Variants in ARVCF observed in about 807,000 individuals in gnomAD.
The protein encoded by ARVCF is ARVCF delta catenin family member.
A neutral mutation model predicts 90.9 loss-of-function variants in ARVCF; 66 were observed. The observed-to-expected ratio is 0.73, with a 90% CI of 0.60 to 0.89. The LOEUF is 0.89. Ranked by LOEUF, ARVCF falls within the 40% of genes least tolerant of loss-of-function variation. The pLI, the probability that ARVCF is intolerant of heterozygous loss-of-function variation, is 0.00. For missense variants in ARVCF, 1,469 were observed against 1,382.3 expected (o/e 1.06, Z -1.00); for synonymous variants, 653 against 603.4 (o/e 1.08, Z -1.21).
intron 1 of ARVCF, among the ~76,000 whole-genome samples, chr22:20,014,467 T>C (rs1274229039): frequency 6.6e-6 from 1 of 152,220 alleles, no homozygotes; most frequent in African/African-American, 2.4e-5. Context: ...AGTGTTGGGA[T>C]TACAGGCATG....
At chr22:19,996,176 C>T (rs955378711) in intron 2 of ARVCF, among the ~76,000 whole-genome samples, 7 of 152,200 alleles carry the variant, frequency 4.6e-5, no homozygotes, top group Admixed American at 3.9e-4. Flanking sequence ...AGGCCAGGAC[C>T]ACAGTCCCTT....
chr22:19,987,995 G>C (rs1391637944), intron 3 of ARVCF, among the ~76,000 whole-genome samples: 1 of 152,176 alleles, frequency 6.6e-6, no homozygotes, highest in Non-Finnish European at 1.5e-5. Flanking sequence ...CAAGCCAATG[G>C]CTCCAGCATC....
At chr22:19,977,363 C>T in intron 9 of ARVCF, 52 bp downstream of exon 9, 1 of 1,465,538 alleles carries the variant, frequency 6.8e-7, no homozygotes, top group Non-Finnish European at 9.0e-7. Context: ...GAGCCTTCCG[C>T]TGGGGCAGGA....
At position 19,980,145 on chromosome 22, in the gene ARVCF, T is replaced by C. The variant is rs1304928534; in HGVS notation, c.994A>G (p.Ser332Gly). 1.9e-6 allele frequency: 3 copies of C among 1,592,406 alleles called. No homozygotes were observed. The highest frequency in any genetic ancestry group is 2.6e-6 in the Non-Finnish European group (3 of 1,172,014). The change falls in exon 6 of 20, where the codon AGC (serine) becomes GGC (glycine). Residue 332 changes from serine to glycine, a missense_variant. Physicochemically the swap from Ser to Gly is moderately conservative, Grantham distance 56. Transcript: ENST00000263207. The stretch of plus-strand genomic sequence containing the variant: ...ACCAGCCGGTCCAGGCTGCCCATGC[T>C]GCCCCGTTCAGGCTGGGCCAGGGGC... ...TAPLAQPERG[S>G]MGSLDRLVRR...
chr22:20,005,779 G>C (rs1407310237), intron 2 of ARVCF, among the ~76,000 whole-genome samples: 1 of 148,776 alleles, frequency 6.7e-6, no homozygotes, highest in South Asian at 2.1e-4. Flanking sequence ...CTGGGCGGCA[G>C]AGCGAGACTC....
rs776172743 is a variant in ARVCF at position 19,971,891 on chromosome 22, A to G, written c.2776T>C (p.Leu926=). The change falls in exon 18 of 20, where the codon TTG becomes CTG. Residue 926 remains leucine, a synonymous_variant. Coordinates refer to ENST00000263207, the MANE Select transcript of ARVCF (RefSeq NM_001670.3). ...SAGEASEKEP[L]KLDPSRKAPP... The stretch of plus-strand genomic sequence containing the variant: ...ACAGCCACATGACCACTTACTTTCA[A>G]GGGTTCCTTCTCAGAGGCCTCTCCT... 7 of 1,613,252 alleles carry G rather than the reference A, an allele frequency of 4.3e-6. No individual in the cohort carries two copies. Among genetic ancestry groups the G allele is most frequent in the Non-Finnish European group, 5.9e-6 (7 of 1,179,824 alleles).
intron 2 of ARVCF, among the ~76,000 whole-genome samples, chr22:20,006,779 G>A (rs185986457): frequency 2.8e-4 from 42 of 151,110 alleles, no homozygotes; most frequent in Middle Eastern, 3.4e-3. Context: ...CTACAGGCGC[G>A]TGCCACCATG....
At chr22:19,967,274 C>G, downstream of ARVCF, 4 of 1,207,164 alleles carry the variant, frequency 3.3e-6, no homozygotes, top group Non-Finnish European at 4.4e-6. Flanking sequence ...GCCCAGGCCC[C>G]TCACTCATGC....
rs1942672112 is a variant in ARVCF, at chr22:19,970,198, ACCCC to A, written c.*554_*557del. On this transcript the variant is annotated 3_prime_UTR_variant, in exon 20 of 20. Transcript: ENST00000263207. ...GGGGAGGTGGGGCACCTGTAGCCTG[ACCCC>A]CACCTTGCTGCTTCCAAAGCTTCCT... is the stretch of plus-strand genomic sequence containing the variant. 1 of 989,048 alleles carries A rather than the reference ACCCC, an allele frequency of 1.0e-6. No individual in the cohort carries two copies. Among genetic ancestry groups the A allele is most frequent in the Admixed American group, 5.9e-5 (1 of 17,082 alleles). The allele number at this position is 989,048 out of a possible 1,614,324, so 61.3% of individuals were successfully genotyped here.
chr22:19,978,470 C>T (rs370553269), intron 7 of ARVCF, among the ~76,000 whole-genome samples: 3 of 152,158 alleles, frequency 2.0e-5, no homozygotes, highest in Admixed American at 6.5e-5. Flanking sequence ...CAGGGCTGCG[C>T]GGGAACACCC....
intron 17 of ARVCF, 30 bp from the exon 18 acceptor site, chr22:19,972,001 G>A (rs373912180): frequency 3.8e-6 from 6 of 1,570,448 alleles, no homozygotes; most frequent in East Asian, 4.5e-5. Context: ...GGGCATGAGG[G>A]GCGCTCTGAG....
intron 2 of ARVCF, among the ~76,000 whole-genome samples, chr22:19,998,571 G>A (rs1423304427): frequency 1.3e-5 from 2 of 152,180 alleles, no homozygotes; most frequent in Non-Finnish European, 2.9e-5. Flanking sequence ...CTGAGGCTGG[G>A]CAGAGACAGC....
intron 2 of ARVCF, among the ~76,000 whole-genome samples, chr22:19,991,472 G>A (rs1944023575): frequency 6.6e-6 from 1 of 152,262 alleles, no homozygotes; most frequent in Admixed American, 6.5e-5. Flanking sequence ...AAAAACTGAG[G>A]ACAAGCCTGG....
intron 1 of ARVCF, among the ~76,000 whole-genome samples, chr22:20,012,708 C>T (rs1944881060): frequency 6.6e-6 from 1 of 152,266 alleles, no homozygotes; most frequent in Non-Finnish European, 1.5e-5. Context: ...GGCCATGGGG[C>T]TCTGTCAGCC....
intron 2 of ARVCF, among the ~76,000 whole-genome samples, chr22:20,004,782 C>T (rs1358704965): frequency 2.0e-5 from 3 of 152,178 alleles, no homozygotes; most frequent in Admixed American, 1.3e-4. Flanking sequence ...GGTGCCAAGA[C>T]CATTCATTAG....
chr22:19,972,524 G>T, intron 16 of ARVCF, 113 bp from the exon 17 acceptor site: 1 of 1,371,796 alleles, frequency 7.3e-7, no homozygotes. Context: ...TCACTAAGGT[G>T]CCCAACCTCT....
chr22:19,973,085 G>A (rs749905895), intron 14 of ARVCF, 34 bp downstream of exon 14: 27 of 1,133,548 alleles, frequency 2.4e-5, no homozygotes, highest in Non-Finnish European at 3.2e-5. Context: ...CCACCTCCGC[G>A]GCTCCCCAAG....
At chr22:19,976,593 C>A (rs1943164738) in intron 10 of ARVCF, 113 bp downstream of exon 10, 1 of 1,380,390 alleles carries the variant, frequency 7.2e-7, no homozygotes. Flanking sequence ...AGATGGCAGC[C>A]CGAGTGATGA....
intron 13 of ARVCF, 132 bp downstream of exon 13, chr22:19,973,511 T>C (rs1942966622): frequency 1.4e-6 from 2 of 1,445,050 alleles, no homozygotes; most frequent in Non-Finnish European, 9.2e-7. Context: ...CTACCTCCAG[T>C]TGGGACAGCG....
Sources: gnomAD v4.1 joint callset for allele counts (sites outside exome capture counted in the v4.1 genomes callset) on GRCh38, gnomAD v4.1.1 for gene constraint, MANE v1.5 for transcripts, NCBI Gene and HGNC (gene_info 2026-07-23, HGNC 2026-07-21) for gene names.